DLGAP2: variants seen among roughly 807,000 people sequenced by gnomAD.
DLGAP2 encodes disks large-associated protein 2.
In DLGAP2, 26 loss-of-function variants were observed where a neutral mutation model predicts 100.3. That is an observed-to-expected ratio of 0.26 (90% CI 0.19 to 0.36). The LOEUF is 0.36. DLGAP2 is among the 10% of genes least tolerant of loss of function. DLGAP2 has a pLI of 1.00. For missense variants in DLGAP2, 1,858 were observed against 1,453.2 expected, an observed-to-expected ratio of 1.28 and a Z score of -4.53; for synonymous variants, 886 against 630.1, an observed-to-expected ratio of 1.41 and a Z score of -6.08.
In DLGAP2 at chr8:1,519,448, C is replaced by T. The variant is rs77217447; in HGVS notation, c.172+18017C>T. Among the ~76,000 whole-genome samples the T allele has an allele frequency of 3.7e-3, 567 of 152,312 alleles. 5 individuals are homozygous for T. The highest frequency in any genetic ancestry group is 0.013 in the African/African-American group (534 of 41,578). On this transcript the variant is annotated intron_variant, in intron 4 of 14. Transcript: ENST00000637795. ...GGGCCTTTGCAATTCAAGGTTGGAT[C>T]CATCAGAAAATAGAATATGAAACTG...
chr8:1,179,164 C>T (rs973610808), intron 2 of DLGAP2, among the ~76,000 whole-genome samples: 1 of 152,244 alleles, frequency 6.6e-6, no homozygotes, highest in Non-Finnish European at 1.5e-5. Flanking sequence ...TTCTTTAATC[C>T]CTCAAGTGCC....
intron 1 of DLGAP2, among the ~76,000 whole-genome samples, chr8:771,768 T>C (rs975333932): frequency 2.6e-5 from 4 of 152,242 alleles, no homozygotes; most frequent in Non-Finnish European, 4.4e-5. Context: ...TAAAAAGTTA[T>C]GGAAGTAATT....
At chr8:1,378,538 A>C (rs1585316623) in intron 3 of DLGAP2, among the ~76,000 whole-genome samples, 1 of 139,348 alleles carries the variant, frequency 7.2e-6, no homozygotes, top group African/African-American at 2.7e-5. Context: ...TGTCCCTGAC[A>C]CACACAGCTG....
chr8:1,139,891 C>G (rs10090316), intron 2 of DLGAP2, among the ~76,000 whole-genome samples: 127,502 of 151,934 alleles, frequency 0.84, 53,801 homozygotes, highest in Middle Eastern at 0.89. Context: ...TGAGGGAAAT[C>G]GGGGGGAAGT....
chr8:1,469,471 G>A (rs951895258), intron 3 of DLGAP2, among the ~76,000 whole-genome samples: 2 of 152,348 alleles, frequency 1.3e-5, no homozygotes, highest in Non-Finnish European at 1.5e-5. Flanking sequence ...CATTTCCTGT[G>A]CAGGAGAGGT....
intron 8 of DLGAP2, 135 bp downstream of exon 8, chr8:1,633,181 A>T (rs6995939): frequency 0.27 from 209,545 of 790,698 alleles, 34,947 homozygotes; most frequent in African/African-American, 0.68. Context: ...TCCTAATTGC[A>T]TGTGTTACAC....
intron 1 of DLGAP2, chr8:739,479 A>G (rs1305555580): frequency 1.3e-5 from 2 of 152,264 alleles, no homozygotes; most frequent in African/African-American, 2.4e-5. Context: ...CCCCGGCCCC[A>G]GCGCACCTTG....
intron 2 of DLGAP2, among the ~76,000 whole-genome samples, chr8:965,892 CCGCATGT>C (rs1799858655): frequency 6.6e-6 from 1 of 152,154 alleles, no homozygotes; most frequent in Non-Finnish European, 1.5e-5. Context: ...CTGTTCACCA[CCGCATGT>C]GGCTCCTGAG....
At chr8:1,433,934 C>T (rs1453438375) in intron 3 of DLGAP2, among the ~76,000 whole-genome samples, 1 of 152,124 alleles carries the variant, frequency 6.6e-6, no homozygotes, top group Non-Finnish European at 1.5e-5. Context: ...CCGAGAATAA[C>T]ACCTCTTTGC....
At chr8:973,034 C>T (rs946676594) in intron 2 of DLGAP2, among the ~76,000 whole-genome samples, 6 of 152,246 alleles carry the variant, frequency 3.9e-5, no homozygotes, top group African/African-American at 1.4e-4. Flanking sequence ...ACAGACACAG[C>T]ATCAATCTGA....
At chr8:751,899 C>T (rs981443191) in intron 1 of DLGAP2, among the ~76,000 whole-genome samples, 7 of 152,210 alleles carry the variant, frequency 4.6e-5, no homozygotes, top group African/African-American at 1.7e-4. Context: ...TCATCTGACA[C>T]TTCATAGTAA....
At chr8:1,561,781 G>T (rs1252176185) in intron 5 of DLGAP2, among the ~76,000 whole-genome samples, 1 of 81,336 alleles carries the variant, frequency 1.2e-5, no homozygotes, top group African/African-American at 5.1e-5. Flanking sequence ...TCGTTACTGG[G>T]GGACTGTGTG....
intron 2 of DLGAP2, among the ~76,000 whole-genome samples, chr8:1,236,125 A>C (rs1309237614): frequency 1.1e-5 from 1 of 93,282 alleles, no homozygotes; most frequent in African/African-American, 4.7e-5. Context: ...TAGTTCTCTC[A>C]CATGTTGCCG....
intron 1 of DLGAP2, among the ~76,000 whole-genome samples, chr8:813,856 A>G (rs775995607): frequency 5.9e-5 from 9 of 152,096 alleles, no homozygotes; most frequent in Admixed American, 1.3e-4. Flanking sequence ...CTGCCTCTCA[A>G]TGTTCTTCTG....
At chr8:1,261,132 A>G (rs1799339759) in intron 3 of DLGAP2, among the ~76,000 whole-genome samples, 1 of 151,022 alleles carries the variant, frequency 6.6e-6, no homozygotes, top group African/African-American at 2.4e-5. Context: ...AAAACCAGAC[A>G]GACTGGGAGG....
At chr8:884,578 G>T (rs1350116287) in intron 1 of DLGAP2, among the ~76,000 whole-genome samples, 1 of 152,004 alleles carries the variant, frequency 6.6e-6, no homozygotes, top group Admixed American at 6.6e-5. Context: ...CCATTCTGTA[G>T]GTTGCCTGTT....
chr8:1,574,464 T>A (rs943247132), intron 6 of DLGAP2, among the ~76,000 whole-genome samples: 4 of 152,054 alleles, frequency 2.6e-5, no homozygotes, highest in African/African-American at 9.7e-5. Flanking sequence ...TCTCTCAGTT[T>A]TACGCGGCTA....
chr8:1,201,079 G>C (rs565143084), intron 2 of DLGAP2, among the ~76,000 whole-genome samples: 2 of 152,336 alleles, frequency 1.3e-5, no homozygotes, highest in South Asian at 4.1e-4. Flanking sequence ...GATGCCCAGA[G>C]ACCAGCACTG....
At chr8:1,386,188 G>A (rs891211852) in intron 3 of DLGAP2, among the ~76,000 whole-genome samples, 6 of 152,198 alleles carry the variant, frequency 3.9e-5, no homozygotes, top group African/African-American at 1.4e-4. Context: ...TGATGACAAA[G>A]CTCTCAAAAG....
Sources: allele counts gnomAD v4.1 joint callset (sites outside exome capture counted in the v4.1 genomes callset), GRCh38; gene constraint gnomAD v4.1.1; transcripts MANE v1.5; gene names NCBI Gene and HGNC (gene_info 2026-07-23, HGNC 2026-07-21).